The following COL19A1 variants were observed in gnomAD, a reference collection of about 807,000 sequenced individuals.
COL19A1 encodes the protein collagen alpha-1(XIX) chain.
In COL19A1, 159 loss-of-function variants were observed where a neutral mutation model predicts 190.2. That is an observed-to-expected ratio of 0.84 (90% confidence interval 0.73 to 0.95). COL19A1 has a LOEUF of 0.95. Ranked by LOEUF, COL19A1 falls within the 40% of genes least tolerant of loss-of-function variation. COL19A1 has a pLI of 0.00. For missense variants in COL19A1, 1,418 were observed against 1,431.9 expected (o/e 0.99, Z 0.16); for synonymous variants, 509 against 458.9 (o/e 1.11, Z -1.39).
chr6:70,099,752 C>A (rs1171334503), intron 15 of COL19A1, among the ~76,000 whole-genome samples: 1 of 152,168 alleles, frequency 6.6e-6, no homozygotes, highest in Non-Finnish European at 1.5e-5. Context: ...ATGTGCTGGC[C>A]AAAGTTGTGT....
chr6:70,059,858 G>T, intron 14 of COL19A1: 1 of 478,870 alleles, frequency 2.1e-6, no homozygotes, highest in Non-Finnish European at 4.2e-6. Context: ...TATTTTTATA[G>T]CAGACTAAGT....
chr6:69,882,678 A>C (rs767243624), intron 2 of COL19A1, among the ~76,000 whole-genome samples: 2 of 152,226 alleles, frequency 1.3e-5, no homozygotes, highest in Non-Finnish European at 2.9e-5. Flanking sequence ...CATTATGATA[A>C]ATCTTCAGTT....
At chr6:69,878,199 A>T (rs1297998337) in intron 1 of COL19A1, among the ~76,000 whole-genome samples, 1 of 150,588 alleles carries the variant, frequency 6.6e-6, no homozygotes, top group Admixed American at 6.6e-5. Context: ...ATATATATAT[A>T]TATTTATTTC....
intron 14 of COL19A1, among the ~76,000 whole-genome samples, chr6:70,042,794 A>G (rs1779695943): frequency 6.6e-6 from 1 of 152,204 alleles, no homozygotes; most frequent in Admixed American, 6.5e-5. Flanking sequence ...TGTCATTTCA[A>G]CAATGTTTGC....
chr6:70,128,524 T>C (rs1785334226), intron 17 of COL19A1, among the ~76,000 whole-genome samples: 2 of 152,126 alleles, frequency 1.3e-5, no homozygotes, highest in African/African-American at 4.8e-5. Context: ...GCAGCAAAGA[T>C]ATTATTATTA....
chr6:70,053,883 G>A (rs187051884), intron 14 of COL19A1, among the ~76,000 whole-genome samples: 278 of 152,102 alleles, frequency 1.8e-3, no homozygotes, highest in African/African-American at 6.0e-3. Context: ...TAATTCATAG[G>A]GAGGGAGATC....
intron 14 of COL19A1, among the ~76,000 whole-genome samples, chr6:70,050,617 A>T (rs1036540061): frequency 1.2e-4 from 18 of 152,132 alleles, no homozygotes; most frequent in Non-Finnish European, 2.6e-4. Flanking sequence ...CAGTGAAAAT[A>T]TCTACAGAAA....
intron 15 of COL19A1, among the ~76,000 whole-genome samples, chr6:70,087,571 A>G (rs1782660764): frequency 6.6e-6 from 1 of 152,036 alleles, no homozygotes; most frequent in Non-Finnish European, 1.5e-5. Flanking sequence ...TAAGGAGTTC[A>G]GCTTTTACTC....
Position 70,207,096 on chromosome 6 carries a change from G to C in COL19A1, c.3302-51G>C, listed in dbSNP as rs1312231438. On this transcript the variant is annotated intron_variant, in intron 50 of 50. Transcript: ENST00000620364. Reference sequence around the variant, plus strand: ...TCCATGTTGGCTAGAGGGTGGGAGAGAGGAAGGGCCATATGTGATCTGCAT... The same window carrying C: ...TCCATGTTGGCTAGAGGGTGGGAGACAGGAAGGGCCATATGTGATCTGCAT... The C allele has an allele frequency of 5.6e-6, 9 of 1,605,076 alleles. No homozygotes were observed. In the Admixed American group the frequency reaches 6.8e-5, roughly 12 times the overall value.
At chr6:70,183,912 T>C (rs1242218660) in intron 44 of COL19A1, among the ~76,000 whole-genome samples, 1 of 152,208 alleles carries the variant, frequency 6.6e-6, no homozygotes, top group Non-Finnish European at 1.5e-5. Context: ...ACACACTTGC[T>C]GTTGGGCCCT....
chr6:70,091,500 A>ATGT (rs1163634709), intron 15 of COL19A1, among the ~76,000 whole-genome samples: 1 of 152,156 alleles, frequency 6.6e-6, no homozygotes, highest in African/African-American at 2.4e-5. Flanking sequence ...GGCACATGCC[A>ATGT]GCTGAAAGTG....
intron 47 of COL19A1, among the ~76,000 whole-genome samples, chr6:70,188,675 C>G (rs1251377708): frequency 6.9e-6 from 1 of 144,820 alleles, no homozygotes; most frequent in African/African-American, 2.5e-5. Context: ...ATTTCATACT[C>G]TATTTTGTTG....
intron 1 of COL19A1, among the ~76,000 whole-genome samples, chr6:69,868,893 G>A (rs1240828000): frequency 1.3e-5 from 2 of 152,110 alleles, no homozygotes; most frequent in South Asian, 2.1e-4. Flanking sequence ...TTCTAGAGGC[G>A]GAAGAAGATA....
intron 18 of COL19A1, among the ~76,000 whole-genome samples, chr6:70,133,947 T>C (rs562288258): frequency 7.2e-4 from 110 of 152,336 alleles, no homozygotes; most frequent in African/African-American, 2.6e-3. Context: ...CCTGTTTACC[T>C]GTAGAGCAGC....
At chr6:70,171,882 C>CA (rs1210825729) in intron 40 of COL19A1, 82 bp from the exon 41 acceptor site, 42 of 1,367,468 alleles carry the variant, frequency 3.1e-5, no homozygotes, top group Non-Finnish European at 3.8e-5. Context: ...GAAGGTTAAG[C>CA]AAAAAAATCT....
intron 11 of COL19A1, among the ~76,000 whole-genome samples, chr6:69,964,270 A>G (rs1389157362): frequency 6.6e-6 from 1 of 152,202 alleles, no homozygotes; most frequent in Admixed American, 6.5e-5. Context: ...TGGCCTTATA[A>G]TAACCATACT....
At chr6:69,931,195 C>A (rs574983270) in intron 6 of COL19A1, among the ~76,000 whole-genome samples, 27 of 152,210 alleles carry the variant, frequency 1.8e-4, no homozygotes, top group African/African-American at 6.3e-4. Context: ...TTTCACCTAT[C>A]CCACCTGTGT....
chr6:69,977,181 A>G (rs995543849), intron 11 of COL19A1, among the ~76,000 whole-genome samples: 17 of 152,168 alleles, frequency 1.1e-4, no homozygotes, highest in Non-Finnish European at 2.1e-4. Flanking sequence ...CAACAATGAT[A>G]GACTGGATTA....
In COL19A1 at chr6:69,929,644, G is replaced by T; in HGVS notation, c.610G>T (p.Asp204Tyr). The change falls in exon 6 of 51, where the codon GAT becomes TAT. Residue 204 changes from aspartate (D) to tyrosine (Y), a missense_variant. Coordinates refer to ENST00000620364, the MANE Select transcript of COL19A1 (RefSeq NM_001858.6). Reference protein sequence around the residue: ...RRQTDEKDTVDFHGRTVIATR... With the variant: ...RRQTDEKDTVYFHGRTVIATR... ...GCAGACTGATGAAAAGGACACTGTG[G>T]ATTTCCATGGACGGACAGTTATTGC... 6.2e-7 allele frequency: 1 copy of T among 1,613,958 alleles called. No homozygotes were observed. The highest frequency in any genetic ancestry group is 8.5e-7 in the Non-Finnish European group (1 of 1,179,932).
Sources: gnomAD v4.1 joint callset for allele counts (sites outside exome capture counted in the v4.1 genomes callset) on GRCh38, gnomAD v4.1.1 for gene constraint, MANE v1.5 for transcripts, NCBI Gene and HGNC (gene_info 2026-07-23, HGNC 2026-07-21) for gene names.